SYNE2: variants seen among roughly 807,000 people sequenced by gnomAD.
SYNE2 encodes spectrin repeat containing nuclear envelope protein 2.
A neutral mutation model predicts 856.3 loss-of-function variants in SYNE2; 431 were observed. The ratio of observed to expected loss-of-function variants is 0.50; its 90% CI spans 0.47 to 0.55. The LOEUF is 0.55. SYNE2 is among the 20% of genes least tolerant of loss of function. The pLI, the probability that SYNE2 is intolerant of heterozygous loss-of-function variation, is 0.00. For synonymous variants in SYNE2, 2,923 were observed against 2,872.3 expected (o/e 1.02, Z -0.56); for missense variants, 8,129 against 8,023.2 (o/e 1.01, Z -0.50).
At chr14:63,990,664 G>T in intron 20 of SYNE2, 95 bp downstream of exon 20, 1 of 1,121,472 alleles carries the variant, frequency 8.9e-7, no homozygotes. Context: ...CCTGTAGCTT[G>T]GAAATGTTTT....
intron 1 of SYNE2, among the ~76,000 whole-genome samples, chr14:63,781,269 A>C (rs1887296093): frequency 1.3e-5 from 2 of 148,706 alleles, no homozygotes; most frequent in Non-Finnish European, 1.5e-5. Flanking sequence ...CAAGAGTGAA[A>C]CTCCAACTCA....
Position 64,132,384 on chromosome 14 carries a change from A to C in SYNE2, c.14460A>C (p.Lys4820Asn), listed in dbSNP as rs574306382. 8.7e-6 allele frequency: 14 copies of C among 1,614,218 alleles called. No individual in the cohort carries two copies. The highest frequency in any genetic ancestry group is 1.2e-5 in the Non-Finnish European group (14 of 1,180,032). Residue 4820 changes from lysine (K) to asparagine (N), a missense_variant, in exon 77 of 116, where the codon AAA becomes AAC. Lys to Asn is a moderately conservative substitution (Grantham distance 94). Transcript: ENST00000555002. ...GGGCAGAACAAGTAACAGAAGTTAA[A>C]ATACTAGAAGAAAAGTCACGCCAAT... is the stretch of plus-strand genomic sequence containing the variant. The part of the protein sequence containing the change: ...TFWAEQVTEV[K>N]ILEEKSRQCG...
rs1386916752 is a variant in SYNE2, at chr14:64,146,163, G to A, written c.15579G>A (p.Leu5193=). 1 of 1,612,860 alleles carries A rather than the reference G, an allele frequency of 6.2e-7. No individual in the cohort carries two copies. Among genetic ancestry groups the A allele is most frequent in the Non-Finnish European group, 8.5e-7 (1 of 1,179,630 alleles). ...NNWLEAQEER[L]KTLQKPESVI... ...GGCTGGAAGCACAAGAAGAGAGACT[G>A]AAAACTTTACAAAAACCTGAAAGTG... The change falls in exon 84 of 116, where the codon CTG becomes CTA. Residue 5193 remains leucine (L), a synonymous_variant. Coordinates refer to ENST00000555002, the MANE Select transcript of SYNE2 (RefSeq NM_182914.3).
At chr14:63,788,442 C>T (rs933017155) in intron 1 of SYNE2, among the ~76,000 whole-genome samples, 3 of 152,108 alleles carry the variant, frequency 2.0e-5, no homozygotes, top group African/African-American at 7.2e-5. Flanking sequence ...CAGCTGCACC[C>T]GGGAGGGCAG....
At chr14:64,066,136 T>A (rs2097357031) in intron 51 of SYNE2, among the ~76,000 whole-genome samples, 1 of 152,210 alleles carries the variant, frequency 6.6e-6, no homozygotes, top group African/African-American at 2.4e-5. Flanking sequence ...TATATATCAA[T>A]CACAAATGTT....
rs1491139905 is a variant in SYNE2, at chr14:63,924,832, G to GTTTTTTTTTTTTTTTT, written c.79+15606_79+15607insTTTTTTTTTTTTTTTT. 7.3e-3 allele frequency among the ~76,000 whole-genome samples: 680 copies of GTTTTTTTTTTTTTTTT among 92,848 alleles called. 242 individuals are homozygous for GTTTTTTTTTTTTTTTT. Among genetic ancestry groups the GTTTTTTTTTTTTTTTT allele is most frequent in the East Asian group, 0.015 (39 of 2,654 alleles). The allele number at this position is 92,848 out of a possible 152,430, so 60.9% of individuals were successfully genotyped here. The stretch of plus-strand genomic sequence containing the variant: ...TTTAACTTTTTTCCTTCCAGCCTTG[G>GTTTTTTTTTTTTTTTT]TGTTTTTTTTTTTTTTTTTTTTTTT... On this transcript the variant is annotated intron_variant, in intron 2 of 115. Coordinates refer to ENST00000555002, the MANE Select transcript of SYNE2 (RefSeq NM_182914.3).
At chr14:64,179,745 T>C (rs1485483832) in intron 96 of SYNE2, among the ~76,000 whole-genome samples, 5 of 152,234 alleles carry the variant, frequency 3.3e-5, no homozygotes, top group Non-Finnish European at 7.3e-5. Flanking sequence ...TTTTTCTTAT[T>C]GAGTTGAAGG....
At chr14:63,813,348 G>A (rs901362660) in intron 1 of SYNE2, among the ~76,000 whole-genome samples, 1 of 152,174 alleles carries the variant, frequency 6.6e-6, no homozygotes, top group Non-Finnish European at 1.5e-5. Flanking sequence ...TCAAATACTA[G>A]CCCTGTTCAT....
At chr14:63,892,446 A>AG (rs944312738) in intron 1 of SYNE2, among the ~76,000 whole-genome samples, 9 of 151,780 alleles carry the variant, frequency 5.9e-5, no homozygotes, top group African/African-American at 2.2e-4. Context: ...GGAAAAAAAA[A>AG]CATTACAAGC....
intron 46 of SYNE2, 28 bp downstream of exon 46, chr14:64,048,183 A>T (rs751274317): frequency 6.2e-7 from 1 of 1,607,248 alleles, no homozygotes; most frequent in Non-Finnish European, 8.5e-7. Context: ...CACTGACAAC[A>T]TGATTGCATC....
At chr14:63,907,920 TAGTC>T (rs1213776099) in intron 1 of SYNE2, among the ~76,000 whole-genome samples, 8 of 152,234 alleles carry the variant, frequency 5.3e-5, no homozygotes, top group Non-Finnish European at 8.8e-5. Flanking sequence ...AATCATTAAT[TAGTC>T]AAGTTAATTT....
At chr14:64,088,445 A>G (rs569936136) in intron 58 of SYNE2, among the ~76,000 whole-genome samples, 1 of 152,268 alleles carries the variant, frequency 6.6e-6, no homozygotes, top group South Asian at 2.1e-4. Context: ...TAAATGCTGG[A>G]TAGGAAAGAG....
intron 19 of SYNE2, among the ~76,000 whole-genome samples, chr14:63,987,778 A>C (rs2096637398): frequency 6.8e-6 from 1 of 146,942 alleles, no homozygotes; most frequent in African/African-American, 2.7e-5. Context: ...TTTTTAAATA[A>C]TTTAAAAATT....
rs759268726 is a variant in SYNE2 at position 63,986,567 on chromosome 14, T to A, written c.2263T>A (p.Ser755Thr). Reference protein sequence around the residue: ...QVEIWEAEAKSVLDQDDVDTS... With the variant: ...QVEIWEAEAKTVLDQDDVDTS... ...GGAAATCTGGGAGGCAGAAGCCAAA[T>A]CTGTTTTGGATCAAGATGATGTGGA... Residue 755 changes from serine to threonine, a missense_variant, in exon 19 of 116, where the codon TCT becomes ACT. Physicochemically the swap from Ser to Thr is moderately conservative, Grantham distance 58. This residue lies in a region of SYNE2 where 2,422 missense variants were observed against 2,357.4 expected (regional missense o/e 1.03). Coordinates refer to ENST00000555002, the MANE Select transcript of SYNE2 (RefSeq NM_182914.3). 1.2e-6 allele frequency: 2 copies of A among 1,614,136 alleles called. No individual in the cohort carries two copies. The highest frequency in any genetic ancestry group is 3.3e-5 in the Admixed American group (2 of 60,024).
intron 45 of SYNE2, among the ~76,000 whole-genome samples, chr14:64,036,684 T>TA (rs573176624): frequency 7.8e-4 from 118 of 152,186 alleles, no homozygotes; most frequent in Middle Eastern, 3.4e-3. Flanking sequence ...ACCCACACAT[T>TA]AAAAAAAATT....
intron 11 of SYNE2, among the ~76,000 whole-genome samples, chr14:63,969,270 A>G (rs1249828092): frequency 1.3e-5 from 2 of 150,986 alleles, no homozygotes; most frequent in South Asian, 2.1e-4. Flanking sequence ...CCTGAGTTCA[A>G]GAGATTCTTC....
intron 2 of SYNE2, among the ~76,000 whole-genome samples, chr14:63,934,903 C>T (rs2095810945): frequency 6.6e-6 from 1 of 152,086 alleles, no homozygotes; most frequent in Admixed American, 6.6e-5. Context: ...AGGGCCCTCT[C>T]TGCTTTTACA....
intron 45 of SYNE2, among the ~76,000 whole-genome samples, chr14:64,041,163 C>G (rs1213440421): frequency 2.6e-5 from 4 of 152,084 alleles, no homozygotes; most frequent in Admixed American, 2.0e-4. Context: ...GTTTATCTAT[C>G]TCAAACTTCA....
At chr14:64,125,327 A>G (rs1323578187) in intron 71 of SYNE2, 117 bp downstream of exon 71, 7 of 1,428,288 alleles carry the variant, frequency 4.9e-6, no homozygotes, top group Non-Finnish European at 5.8e-6. Flanking sequence ...ACATAATGGA[A>G]TGGGTCCTAG....
Sources: allele counts gnomAD v4.1 joint callset (sites outside exome capture counted in the v4.1 genomes callset), GRCh38; gene constraint gnomAD v4.1.1; regional missense constraint gnomAD v4.1.1; transcripts MANE v1.5; gene names NCBI Gene and HGNC (gene_info 2026-07-23, HGNC 2026-07-21).